Variants in CSMD2 observed in about 807,000 individuals in gnomAD.
CSMD2 encodes the protein CUB and sushi domain-containing protein 2.
A neutral mutation model predicts 398.5 loss-of-function variants in CSMD2; 130 were observed. That is an observed-to-expected ratio of 0.33 (90% CI 0.28 to 0.38). The LOEUF (loss-of-function observed/expected upper bound fraction) is 0.38. CSMD2 is among the 10% of genes least tolerant of loss of function. The pLI, the probability that CSMD2 is intolerant of heterozygous loss-of-function variation, is 1.00. For synonymous variants in CSMD2, 1,828 were observed against 1,908.5 expected (o/e 0.96, Z 1.10); for missense variants, 3,829 against 4,764.9 (o/e 0.80, Z 5.78).
At position 33,652,295 on chromosome 1, in the gene CSMD2, G is replaced by A. The variant is rs549004210; in HGVS notation, c.4586+28C>T. 1.3e-5 allele frequency: 21 copies of A among 1,611,936 alleles called. No homozygotes were observed. In the Middle Eastern group the frequency reaches 5.0e-4, roughly 38 times the overall value. ...AGCCCCTAGCCACTCTGAACCCTTC[G>A]TCTCCCACCCGGGGGAAAGGTACAT... On this transcript the variant is annotated intron_variant, in intron 28 of 70. Transcript: ENST00000373381.
At chr1:33,781,514 T>C (rs1021607515) in intron 12 of CSMD2, among the ~76,000 whole-genome samples, 3 of 152,164 alleles carry the variant, frequency 2.0e-5, no homozygotes, top group Admixed American at 2.0e-4. Context: ...ATGAGCTCAT[T>C]TCTAACATGA....
intron 25 of CSMD2, among the ~76,000 whole-genome samples, chr1:33,681,040 T>A (rs1289824084): frequency 7.0e-6 from 1 of 143,192 alleles, no homozygotes; most frequent in Non-Finnish European, 1.5e-5. Flanking sequence ...TTCTCATGCC[T>A]CAGCCTCCTG....
chr1:33,997,303 G>A (rs942045479), intron 3 of CSMD2, among the ~76,000 whole-genome samples: 2 of 152,212 alleles, frequency 1.3e-5, no homozygotes, highest in Non-Finnish European at 2.9e-5. Context: ...GTCATGACTC[G>A]GTGTCCAAAT....
intron 25 of CSMD2, among the ~76,000 whole-genome samples, chr1:33,676,208 C>A (rs1644704878): frequency 6.6e-6 from 1 of 152,144 alleles, no homozygotes; most frequent in Admixed American, 6.5e-5. Flanking sequence ...ATCTAGAAAA[C>A]CCCATCATCT....
intron 44 of CSMD2, among the ~76,000 whole-genome samples, chr1:33,591,607 T>C (rs375145080): frequency 7.9e-4 from 121 of 152,312 alleles, no homozygotes; most frequent in Non-Finnish European, 1.5e-3. Flanking sequence ...GTGAATTGTA[T>C]TCTACATGAG....
intron 41 of CSMD2, among the ~76,000 whole-genome samples, chr1:33,609,479 A>C (rs1640852793): frequency 6.6e-6 from 1 of 152,238 alleles, no homozygotes; most frequent in Non-Finnish European, 1.5e-5. Context: ...TCACAGGTAC[A>C]TGTAGCATAC....
At chr1:33,551,647 T>C (rs538726954) in intron 55 of CSMD2, among the ~76,000 whole-genome samples, 1 of 152,194 alleles carries the variant, frequency 6.6e-6, no homozygotes, top group Non-Finnish European at 1.5e-5. Context: ...GGTCTTAATA[T>C]GGGTCAAACA....
chr1:33,749,889 A>T (rs1647973995), intron 13 of CSMD2, among the ~76,000 whole-genome samples: 1 of 152,240 alleles, frequency 6.6e-6, no homozygotes, highest in Non-Finnish European at 1.5e-5. Context: ...ACAAACTTGT[A>T]ATAGCCATGC....
intron 44 of CSMD2, among the ~76,000 whole-genome samples, chr1:33,588,718 A>C (rs1180426541): frequency 6.6e-6 from 1 of 152,244 alleles, no homozygotes; most frequent in Non-Finnish European, 1.5e-5. Context: ...ATACTGTACC[A>C]TCCACATCCA....
At chr1:33,840,160 T>C (rs1000067464) in intron 6 of CSMD2, 8 of 152,206 alleles carry the variant, frequency 5.3e-5, no homozygotes, top group African/African-American at 1.9e-4. Flanking sequence ...TAGTGCTTTG[T>C]CATTATTAAT....
chr1:33,800,872 G>A (rs1570012822), intron 10 of CSMD2, among the ~76,000 whole-genome samples: 1 of 152,208 alleles, frequency 6.6e-6, no homozygotes, highest in Admixed American at 6.5e-5. Context: ...CAGATGTGAG[G>A]AGGGGCTGTG....
chr1:33,917,317 T>G (rs1380863336), intron 5 of CSMD2, among the ~76,000 whole-genome samples: 1 of 152,226 alleles, frequency 6.6e-6, no homozygotes, highest in Non-Finnish European at 1.5e-5. Context: ...GCTCCTCATG[T>G]GCTAACAAAA....
Position 34,158,641 on chromosome 1 carries a change from C to T in CSMD2, c.187+6270G>A, listed in dbSNP as rs114892270. ...TTGTTTCTCTTATATTTCTAAGAGG[C>T]TGGTGCTGAAAGCAAGTAGACCGTA... On this transcript the variant is annotated intron_variant, in intron 1 of 70. Coordinates refer to ENST00000373381, the MANE Select transcript of CSMD2 (RefSeq NM_001281956.2). 2.7e-3 allele frequency among the ~76,000 whole-genome samples: 408 copies of T among 152,302 alleles called. 3 individuals carry two copies. Among genetic ancestry groups the T allele is most frequent in the African/African-American group, 9.4e-3 (391 of 41,560 alleles).
At chr1:33,913,668 C>G (rs1643578133) in intron 5 of CSMD2, among the ~76,000 whole-genome samples, 1 of 152,100 alleles carries the variant, frequency 6.6e-6, no homozygotes, top group African/African-American at 2.4e-5. Context: ...GGTTTTGAGC[C>G]CAAGTGTCTC....
At chr1:33,761,610 C>T (rs1237991132) in intron 13 of CSMD2, among the ~76,000 whole-genome samples, 3 of 152,172 alleles carry the variant, frequency 2.0e-5, no homozygotes, top group Non-Finnish European at 2.9e-5. Flanking sequence ...GTCTTTGAGG[C>T]ACTCAGGGCC....
At chr1:33,773,401 A>T (rs752066444) in intron 12 of CSMD2, among the ~76,000 whole-genome samples, 1 of 152,356 alleles carries the variant, frequency 6.6e-6, no homozygotes, top group Non-Finnish European at 1.5e-5. Flanking sequence ...CAAATGACTC[A>T]TTGAGTATGC....
intron 14 of CSMD2, among the ~76,000 whole-genome samples, chr1:33,742,576 T>TGGGGGGGGGGG: frequency 1.1e-5 from 1 of 91,586 alleles, no homozygotes; most frequent in Non-Finnish European, 2.0e-5. Context: ...ACCAAGCTTC[T>TGGGGGGGGGGG]GCCCCCCCCC....
intron 64 of CSMD2, among the ~76,000 whole-genome samples, chr1:33,530,947 G>A (rs994460708): frequency 6.6e-6 from 1 of 152,132 alleles, no homozygotes; most frequent in African/African-American, 2.4e-5. Flanking sequence ...GGCTAGGGTG[G>A]GGTGGTACTG....
chr1:34,132,903 C>T (rs1040323505), intron 1 of CSMD2, among the ~76,000 whole-genome samples: 3 of 151,374 alleles, frequency 2.0e-5, no homozygotes, highest in African/African-American at 7.3e-5. Flanking sequence ...TTTCAGCCTT[C>T]ATAATTGCAT....
Sources: allele counts gnomAD v4.1 joint callset (sites outside exome capture counted in the v4.1 genomes callset), GRCh38; gene constraint gnomAD v4.1.1; transcripts MANE v1.5; gene names NCBI Gene and HGNC (gene_info 2026-07-23, HGNC 2026-07-21).